Variants in MAST4 observed in about 807,000 individuals in gnomAD.
The protein encoded by MAST4 is microtubule associated serine/threonine kinase family member 4.
Under a neutral mutation model 162.7 loss-of-function variants are expected in MAST4, and 89 were observed. The ratio of observed to expected loss-of-function variants is 0.55; its 90% CI spans 0.46 to 0.65. The LOEUF (loss-of-function observed/expected upper bound fraction) is 0.65, where lower values mean the gene tolerates loss of function less well. Ranked by LOEUF, MAST4 falls within the 30% of genes least tolerant of loss-of-function variation. The pLI is 0.00. For missense variants in MAST4, 3,153 were observed against 3,374.0 expected, an observed-to-expected ratio of 0.93 and a Z score of 1.62; for synonymous variants, 1,479 against 1,361.1, an observed-to-expected ratio of 1.09 and a Z score of -1.91.
intron 1 of MAST4, among the ~76,000 whole-genome samples, chr5:66,628,340 CTTT>C (rs34307265): frequency 3.7e-5 from 5 of 136,196 alleles, no homozygotes; most frequent in Admixed American, 1.5e-4. Context: ...GACTTTTTTT[CTTT>C]TTTTTTTTTT....
chr5:66,823,885 A>G (rs573970302), intron 3 of MAST4, among the ~76,000 whole-genome samples: 2 of 152,142 alleles, frequency 1.3e-5, no homozygotes, highest in East Asian at 3.9e-4. Context: ...CTAATCTCAC[A>G]GCTGTGTTGC....
intron 5 of MAST4, among the ~76,000 whole-genome samples, chr5:67,077,390 A>ATCAC (rs1158077826): frequency 2.6e-5 from 4 of 152,146 alleles, no homozygotes; most frequent in African/African-American, 9.7e-5. Flanking sequence ...CAAGGTTAAG[A>ATCAC]TCACTGTTCT....
chr5:66,733,166 C>T (rs1367239643), intron 1 of MAST4, among the ~76,000 whole-genome samples: 1 of 152,128 alleles, frequency 6.6e-6, no homozygotes, highest in Non-Finnish European at 1.5e-5. Context: ...CTATGAAATA[C>T]AGGCATTACA....
chr5:66,731,746 C>G (rs1237534001), intron 1 of MAST4, among the ~76,000 whole-genome samples: 1 of 151,988 alleles, frequency 6.6e-6, no homozygotes, highest in Non-Finnish European at 1.5e-5. Flanking sequence ...CTGATTGCTT[C>G]TGCTTGATTT....
At chr5:66,930,755 C>T (rs189433146) in intron 4 of MAST4, 55 of 470,772 alleles carry the variant, frequency 1.2e-4, no homozygotes, top group Non-Finnish European at 2.1e-4. Context: ...AGCAACTGAG[C>T]GATTCTCTGA....
intron 1 of MAST4, among the ~76,000 whole-genome samples, chr5:66,680,537 T>G (rs1238840527): frequency 6.6e-6 from 1 of 152,178 alleles, no homozygotes; most frequent in Non-Finnish European, 1.5e-5. Context: ...GATCTTATTT[T>G]AGGGCAAGTC....
intron 1 of MAST4, among the ~76,000 whole-genome samples, chr5:66,658,427 T>C (rs1349707851): frequency 6.6e-6 from 1 of 152,308 alleles, no homozygotes. Flanking sequence ...ATGGGTTTTT[T>C]CCCCTTCTTT....
chr5:66,921,617 G>C (rs116816087), intron 4 of MAST4, among the ~76,000 whole-genome samples: 2 of 151,972 alleles, frequency 1.3e-5, no homozygotes, highest in African/African-American at 2.4e-5. Flanking sequence ...AAAATTAGCC[G>C]GTATGGTGGC....
intron 1 of MAST4, among the ~76,000 whole-genome samples, chr5:66,724,807 T>A (rs1171218534): frequency 6.6e-6 from 1 of 151,928 alleles, no homozygotes; most frequent in Non-Finnish European, 1.5e-5. Flanking sequence ...TAATATATAA[T>A]TATAATATAT....
chr5:66,856,272 C>G (rs1343709363), intron 3 of MAST4, among the ~76,000 whole-genome samples: 2 of 152,196 alleles, frequency 1.3e-5, no homozygotes, highest in African/African-American at 4.8e-5. Context: ...CAGGGAGAAC[C>G]TGCAGGGTGC....
rs1773743635 is a variant in MAST4 at position 67,165,301 on chromosome 5, A to G, written c.6122A>G (p.Lys2041Arg). The change falls in exon 29 of 29, where the codon AAA (lysine) becomes AGA (arginine). Residue 2041 changes from lysine (K) to arginine (R), a missense_variant. By Grantham distance (26) the Lys-to-Arg change is conservative (BLOSUM62 2). This residue lies in a region of MAST4 where 1,644 missense variants were observed against 1,495.0 expected (regional missense o/e 1.10). Coordinates refer to ENST00000403625, the MANE Select transcript of MAST4 (RefSeq NM_001164664.2). ...GAGAAAGCATGGGCGCCGGGTGGGA[A>G]AACGAACCACAAAGATGGCCCAGGT... ...AMEKAWAPGGKTNHKDGPGEA... is the reference protein window; with the variant it reads ...AMEKAWAPGGRTNHKDGPGEA... The G allele has an allele frequency of 3.2e-5, 51 of 1,613,434 alleles. No individual in the cohort carries two copies. Among genetic ancestry groups the G allele is most frequent in the Non-Finnish European group, 4.2e-5 (49 of 1,179,884 alleles).
chr5:66,909,950 G>T (rs892016034), intron 4 of MAST4, among the ~76,000 whole-genome samples: 1 of 152,118 alleles, frequency 6.6e-6, no homozygotes, highest in Admixed American at 6.5e-5. Context: ...ACCTTTTGCC[G>T]TGATTGTTGG....
In MAST4 at chr5:67,162,756, C is replaced by T. The variant is rs767743036; in HGVS notation, c.3935C>T (p.Pro1312Leu). The T allele has an allele frequency of 7.4e-6, 12 of 1,613,880 alleles. No individual in the cohort carries two copies. Among genetic ancestry groups the T allele is most frequent in the Non-Finnish European group, 1.0e-5 (12 of 1,179,864 alleles). Residue 1312 changes from proline to leucine, a missense_variant, in exon 28 of 29, where the codon CCA becomes CTA. By Grantham distance (98) the Pro-to-Leu change is moderately conservative. Coordinates refer to ENST00000403625, the MANE Select transcript of MAST4 (RefSeq NM_001164664.2). Reference protein sequence around the residue: ...THSLSPRSPTPSYRSTPDFPS... With the variant: ...THSLSPRSPTLSYRSTPDFPS... The stretch of plus-strand genomic sequence containing the variant: ...AGCTTGTCTCCCCGGTCTCCAACAC[C>T]AAGCTACCGCTCCACCCCTGACTTC...
In MAST4 at chr5:66,837,723, C is replaced by T. The variant is rs391890; in HGVS notation, c.642+48929C>T. On this transcript the variant is annotated intron_variant, in intron 3 of 28. Transcript: ENST00000403625. ...GCAGCCAGAGTTGAAACCCACTGCT[C>T]TTAGGGGACTAGGGGTCCAGGTAAC... Among the ~76,000 whole-genome samples the T allele has an allele frequency of 0.011, 1,718 of 151,568 alleles. 179 individuals carry two copies. The East Asian group carries it at 0.25, about 22-fold the overall frequency.
chr5:66,858,106 G>A (rs1759820027), intron 3 of MAST4, among the ~76,000 whole-genome samples: 1 of 151,944 alleles, frequency 6.6e-6, no homozygotes, highest in African/African-American at 2.4e-5. Flanking sequence ...GCAGGTGCAT[G>A]CCACCACGCC....
chr5:66,710,358 C>T (rs1750416586), intron 1 of MAST4, among the ~76,000 whole-genome samples: 1 of 152,050 alleles, frequency 6.6e-6, no homozygotes, highest in African/African-American at 2.4e-5. Flanking sequence ...GACTTTTATT[C>T]TTCTATTACT....
chr5:66,962,885 A>G (rs145185876), intron 4 of MAST4, among the ~76,000 whole-genome samples: 9 of 152,314 alleles, frequency 5.9e-5, no homozygotes, highest in African/African-American at 1.4e-4. Flanking sequence ...ATGCTTTAAT[A>G]GATCTATTAG....
Position 67,142,180 on chromosome 5 carries a change from C to T in MAST4, c.2560C>T (p.Gln854Ter). 2.5e-6 allele frequency: 4 copies of T among 1,613,898 alleles called. No individual in the cohort carries two copies. The highest frequency in any genetic ancestry group is 3.4e-6 in the Non-Finnish European group (4 of 1,179,810). The part of the protein sequence containing the change: ...RSLDWNSLLR[Q>*]KAEFIPQLES... ...TTTAGACTGGAACAGTTTGCTGAGA[C>T]AGAAGGCAGAATTTATTCCCCAACT... The change falls in exon 20 of 29, where the codon CAG (glutamine) becomes TAG (stop). Residue 854 changes from glutamine (Q) to a stop codon, truncating the protein, a stop_gained. Coordinates refer to ENST00000403625, the MANE Select transcript of MAST4 (RefSeq NM_001164664.2). LOFTEE classifies it high-confidence loss of function.
chr5:67,031,358 A>G (rs527518392), intron 4 of MAST4, among the ~76,000 whole-genome samples: 2 of 152,090 alleles, frequency 1.3e-5, no homozygotes, highest in Non-Finnish European at 2.9e-5. Flanking sequence ...TAATAAGGAC[A>G]TATTTTAAGT....
Sources: allele counts gnomAD v4.1 joint callset (sites outside exome capture counted in the v4.1 genomes callset), GRCh38; gene constraint gnomAD v4.1.1; regional missense constraint gnomAD v4.1.1; transcripts MANE v1.5; gene names NCBI Gene and HGNC (gene_info 2026-07-23, HGNC 2026-07-21).